The following HCN1 variants were observed in gnomAD, a reference collection of about 807,000 sequenced individuals.
HCN1 encodes hyperpolarization activated cyclic nucleotide gated potassium channel 1.
In HCN1, 13 loss-of-function variants were observed where a neutral mutation model predicts 78.9. That is an observed-to-expected ratio of 0.16 (90% confidence interval 0.11 to 0.26). The LOEUF (loss-of-function observed/expected upper bound fraction) is 0.26. Among genes scored for constraint, HCN1 ranks in the 10% least tolerant of loss-of-function variants. The pLI, the probability that HCN1 is intolerant of heterozygous loss-of-function variation, is 1.00. For missense variants in HCN1, 810 were observed against 1,154.3 expected, an observed-to-expected ratio of 0.70 and a Z score of 4.32; for synonymous variants, 552 against 455.5, an observed-to-expected ratio of 1.21 and a Z score of -2.70.
chr5:45,342,233 C>A (rs1334091346), intron 5 of HCN1, among the ~76,000 whole-genome samples: 2 of 149,666 alleles, frequency 1.3e-5, no homozygotes, highest in Non-Finnish European at 3.0e-5. Context: ...TCATATATTT[C>A]TTTCCTTTTT....
At chr5:45,566,746 T>C (rs1222151567) in intron 2 of HCN1, among the ~76,000 whole-genome samples, 2 of 152,218 alleles carry the variant, frequency 1.3e-5, no homozygotes, top group Admixed American at 6.5e-5. Context: ...ACAATGGTTT[T>C]CTGGAAGATT....
At chr5:45,270,278 T>G (rs1174482673) in intron 6 of HCN1, among the ~76,000 whole-genome samples, 1 of 152,234 alleles carries the variant, frequency 6.6e-6, no homozygotes. Flanking sequence ...CTAACTTACT[T>G]TCTCTGGCAT....
At chr5:45,374,314 A>G (rs1747547974) in intron 4 of HCN1, among the ~76,000 whole-genome samples, 1 of 138,740 alleles carries the variant, frequency 7.2e-6, no homozygotes. Context: ...TACATTATAT[A>G]CATTATATAC....
intron 3 of HCN1, among the ~76,000 whole-genome samples, chr5:45,410,227 G>C (rs530979529): frequency 6.6e-6 from 1 of 151,958 alleles, no homozygotes; most frequent in Non-Finnish European, 1.5e-5. Context: ...AAAGTTCAGA[G>C]TTTCATTCAG....
At chr5:45,650,985 T>G (rs1289840060) in intron 1 of HCN1, among the ~76,000 whole-genome samples, 2 of 152,038 alleles carry the variant, frequency 1.3e-5, no homozygotes, top group African/African-American at 2.4e-5. Flanking sequence ...ACTTTACTAC[T>G]ACTAAAGGTG....
At chr5:45,417,007 T>G (rs1036566559) in intron 3 of HCN1, among the ~76,000 whole-genome samples, 1 of 152,010 alleles carries the variant, frequency 6.6e-6, no homozygotes, top group Non-Finnish European at 1.5e-5. Context: ...AGAGAACACA[T>G]TTAAATACAC....
At chr5:45,695,564 C>G (rs974183866) in intron 1 of HCN1, 105 bp downstream of exon 1, 17 of 1,181,704 alleles carry the variant, frequency 1.4e-5, no homozygotes, top group Middle Eastern at 2.7e-4. Flanking sequence ...AGCGCCACCC[C>G]CCGCCCGCCC....
chr5:45,672,981 CAT>C (rs940056975), intron 1 of HCN1, among the ~76,000 whole-genome samples: 64 of 151,536 alleles, frequency 4.2e-4, no homozygotes, highest in African/African-American at 1.2e-3. Flanking sequence ...ACTTTATTCA[CAT>C]GTTTGTACTT....
At chr5:45,665,721 A>G (rs1746031568) in intron 1 of HCN1, among the ~76,000 whole-genome samples, 2 of 152,126 alleles carry the variant, frequency 1.3e-5, no homozygotes. Flanking sequence ...TCATTATTTC[A>G]AAACCCATAT....
intron 2 of HCN1, among the ~76,000 whole-genome samples, chr5:45,488,199 A>G (rs1013226219): frequency 2.0e-5 from 3 of 152,082 alleles, no homozygotes; most frequent in African/African-American, 4.8e-5. Flanking sequence ...CTGTCCCTAC[A>G]CTTATAATTC....
chr5:45,447,309 C>A (rs1324900340), intron 3 of HCN1, among the ~76,000 whole-genome samples: 1 of 152,152 alleles, frequency 6.6e-6, no homozygotes. Flanking sequence ...GTGGTGTGAT[C>A]TTGGCTCACT....
intron 2 of HCN1, among the ~76,000 whole-genome samples, chr5:45,531,051 CACACAT>C (rs1296908524): frequency 1.3e-5 from 2 of 150,346 alleles, no homozygotes; most frequent in African/African-American, 2.5e-5. Flanking sequence ...GAAATGCTAA[CACACAT>C]ACACACACAC....
chr5:45,413,841 C>T (rs1162413931), intron 3 of HCN1, among the ~76,000 whole-genome samples: 1 of 151,668 alleles, frequency 6.6e-6, no homozygotes, highest in African/African-American at 2.4e-5. Context: ...TACTGCTTGG[C>T]TGAAATATTG....
At chr5:45,605,628 A>G (rs1174638150) in intron 2 of HCN1, among the ~76,000 whole-genome samples, 2 of 152,024 alleles carry the variant, frequency 1.3e-5, no homozygotes, top group East Asian at 1.9e-4. Context: ...TACATTGTAC[A>G]TGAGTACATA....
intron 3 of HCN1, among the ~76,000 whole-genome samples, chr5:45,449,763 T>C (rs999147345): frequency 6.6e-6 from 1 of 152,230 alleles, no homozygotes; most frequent in African/African-American, 2.4e-5. Flanking sequence ...CAAAATTTTA[T>C]GATTTCCTTT....
rs534486884 is a variant in HCN1, at chr5:45,562,181, T to C, written c.849+83004A>G. On this transcript the variant is annotated intron_variant, in intron 2 of 7. Coordinates refer to ENST00000303230, the MANE Select transcript of HCN1 (RefSeq NM_021072.4). Reference sequence around the variant, plus strand: ...GGCCCTGTCCTTAAACCTGTGGAGTTTGACACTAACTCTGGAAGGTTAACA... The same window carrying C: ...GGCCCTGTCCTTAAACCTGTGGAGTCTGACACTAACTCTGGAAGGTTAACA... Among the ~76,000 whole-genome samples, 4 of 152,176 alleles carry C rather than the reference T, an allele frequency of 2.6e-5. No homozygotes were observed. The South Asian group carries it at 6.2e-4, about 24-fold the overall frequency.
At chr5:45,283,788 C>T (rs78740565) in intron 6 of HCN1, among the ~76,000 whole-genome samples, 13 of 152,100 alleles carry the variant, frequency 8.5e-5, no homozygotes, top group South Asian at 6.2e-4. Flanking sequence ...ATCCCATTAC[C>T]GCATATACAC....
chr5:45,586,252 C>T (rs925179791), intron 2 of HCN1, among the ~76,000 whole-genome samples: 36 of 152,234 alleles, frequency 2.4e-4, no homozygotes, highest in Admixed American at 1.3e-4. Context: ...ACCTCGCTGC[C>T]GCCTTGCAGT....
chr5:45,277,245 A>G (rs1745081253), intron 6 of HCN1, among the ~76,000 whole-genome samples: 2 of 152,136 alleles, frequency 1.3e-5, no homozygotes, highest in African/African-American at 4.8e-5. Context: ...GCTTCATAAT[A>G]CAGGCATATT....
Sources: gnomAD v4.1 joint callset for allele counts (sites outside exome capture counted in the v4.1 genomes callset) on GRCh38, gnomAD v4.1.1 for gene constraint, MANE v1.5 for transcripts, NCBI Gene and HGNC (gene_info 2026-07-23, HGNC 2026-07-21) for gene names.